CCND3: variants seen among roughly 807,000 people sequenced by gnomAD.
CCND3 encodes the protein cyclin D3.
Under a neutral mutation model 28.7 loss-of-function variants are expected in CCND3, and 9 were observed. The ratio of observed to expected loss-of-function variants is 0.31; its 90% CI spans 0.19 to 0.55. The LOEUF (loss-of-function observed/expected upper bound fraction) is 0.55, where lower values mean the gene tolerates loss of function less well. Among genes scored for constraint, CCND3 ranks in the 20% least tolerant of loss-of-function variants. The pLI, the probability that CCND3 is intolerant of heterozygous loss-of-function variation, is 0.93. For synonymous variants in CCND3, 164 were observed against 163.9 expected, an observed-to-expected ratio of 1.00 and a Z score of 0.00; for missense variants, 315 against 385.8, an observed-to-expected ratio of 0.82 and a Z score of 1.54.
chr6:42,000,028 ATATT>A lies in CCND3; in HGVS notation c.-46+48469_-46+48472del, dbSNP rs555951986. Among the ~76,000 whole-genome samples the A allele has an allele frequency of 7.9e-4, 97 of 123,186 alleles. 3 individuals are homozygous for A. The South Asian group carries it at 0.019, about 24-fold the overall frequency. The allele number at this position is 123,186 out of a possible 152,430, so 80.8% of individuals were successfully genotyped here. Reference sequence around the variant, plus strand: ...TAAGCTTGATCAAAGTGATGTAGATATATTTATATAGGCCTGTGTATGTGTGTGT... The same window carrying A: ...TAAGCTTGATCAAAGTGATGTAGATATATATAGGCCTGTGTATGTGTGTGT... On this transcript the variant is annotated intron_variant, in intron 1 of 4. Transcript: ENST00000372988.
At chr6:41,959,564 A>G (rs563787743) in intron 1 of CCND3, among the ~76,000 whole-genome samples, 13 of 150,988 alleles carry the variant, frequency 8.6e-5, no homozygotes, top group East Asian at 3.9e-4. Flanking sequence ...TGTGCCTGTA[A>G]TCCCAGCTAC....
At chr6:42,016,079 C>T (rs565820204) in intron 1 of CCND3, among the ~76,000 whole-genome samples, 1 of 151,860 alleles carries the variant, frequency 6.6e-6, no homozygotes, top group Non-Finnish European at 1.5e-5. Context: ...GGGATTACAG[C>T]TGTGTGCCAC....
intron 1 of CCND3, among the ~76,000 whole-genome samples, chr6:42,011,854 A>G (rs964545679): frequency 6.6e-6 from 1 of 152,190 alleles, no homozygotes; most frequent in African/African-American, 2.4e-5. Flanking sequence ...AGAAACCTGC[A>G]AAGACTCAGA....
At chr6:41,988,040 G>T (rs72853846) in intron 1 of CCND3, among the ~76,000 whole-genome samples, 2,616 of 151,958 alleles carry the variant, frequency 0.017, 50 homozygotes, top group Non-Finnish European at 0.027. Flanking sequence ...AACAGACCAG[G>T]CACGGTGGCT....
At chr6:41,951,592 T>C (rs1397809116) in intron 1 of CCND3, among the ~76,000 whole-genome samples, 1 of 116,410 alleles carries the variant, frequency 8.6e-6, no homozygotes, top group Non-Finnish European at 1.8e-5. Flanking sequence ...AAAGATTAAG[T>C]GGGAGTAAGA....
At chr6:42,020,957 G>A (rs1412977575) in intron 1 of CCND3, among the ~76,000 whole-genome samples, 1 of 152,130 alleles carries the variant, frequency 6.6e-6, no homozygotes, top group African/African-American at 2.4e-5. Context: ...TCTCCATGTT[G>A]GCCAGGCTGG....
intron 1 of CCND3, among the ~76,000 whole-genome samples, chr6:41,986,707 A>T (rs571679759): frequency 8.5e-5 from 13 of 152,098 alleles, no homozygotes; most frequent in African/African-American, 2.9e-4. Flanking sequence ...CGATCATGTC[A>T]TCTGCAGAGA....
At chr6:41,998,287 CA>C (rs70987560) in intron 1 of CCND3, among the ~76,000 whole-genome samples, 113,188 of 118,360 alleles carry the variant, frequency 0.96, 54,178 homozygotes, top group South Asian at 0.99. Flanking sequence ...GACTCCACCT[CA>C]AAAAAAAAAA....
chr6:41,972,042 G>C (rs1186986953), intron 1 of CCND3, among the ~76,000 whole-genome samples: 1 of 149,542 alleles, frequency 6.7e-6, no homozygotes, highest in Middle Eastern at 3.2e-3. Flanking sequence ...TGGCTAACAT[G>C]GTGAAACCCC....
chr6:42,000,450 G>C (rs1762968569), intron 1 of CCND3, among the ~76,000 whole-genome samples: 2 of 150,188 alleles, frequency 1.3e-5, no homozygotes, highest in African/African-American at 4.9e-5. Context: ...TCGTGGTCTC[G>C]ATCTCCTGAC....
At chr6:42,038,728 T>C (rs916845687) in intron 1 of CCND3, among the ~76,000 whole-genome samples, 17 of 152,176 alleles carry the variant, frequency 1.1e-4, no homozygotes. Flanking sequence ...TTCTATAATA[T>C]GGCCTTCAGT....
chr6:41,995,945 A>AT (rs887618007), intron 1 of CCND3, among the ~76,000 whole-genome samples: 1 of 151,466 alleles, frequency 6.6e-6, no homozygotes, highest in Middle Eastern at 3.4e-3. Flanking sequence ...TGTTAATAAA[A>AT]TTTTTTTAAA....
chr6:42,003,162 C>CAAAAAAAAAAAAAAA (rs55721061), intron 1 of CCND3, among the ~76,000 whole-genome samples: 58 of 110,192 alleles, frequency 5.3e-4, no homozygotes, highest in African/African-American at 1.6e-3. Flanking sequence ...AACAGCGTGT[C>CAAAAAAAAAAAAAAA]AAAAAAAAAA....
rs538806926 is a variant in CCND3 at position 41,935,617 on chromosome 6, T to G, written c.*323A>C. On this transcript the variant is annotated 3_prime_UTR_variant, in exon 5 of 5. Transcript: ENST00000372991. ...TTGAAAACATGAGAGCCCCCAGGGG[T>G]GGGGGGGGGCGTTCAAAAGGAATGC... is the stretch of plus-strand genomic sequence containing the variant. 2.1e-4 allele frequency: 92 copies of G among 429,170 alleles called. No individual in the cohort carries two copies. The highest frequency in any genetic ancestry group is 2.8e-4 in the African/African-American group (14 of 49,524). 26.6% of individuals were successfully genotyped at this position (429,170 alleles called of 1,614,324 possible).
chr6:41,972,240 A>AAAAAAAAAAAAAAAGAAAAGAAAAG (rs1554162050), intron 1 of CCND3, among the ~76,000 whole-genome samples: 3 of 99,736 alleles, frequency 3.0e-5, no homozygotes, highest in Non-Finnish European at 5.9e-5. Context: ...AAAAAAAAAA[A>AAAAAAAAAAAAAAAGAAAAGAAAAG]AAAAGAAAAG....
chr6:42,047,792 G>A (rs1156982456), intron 1 of CCND3, among the ~76,000 whole-genome samples: 1 of 152,174 alleles, frequency 6.6e-6, no homozygotes, highest in Non-Finnish European at 1.5e-5. Context: ...AGACTTCTAT[G>A]CTTTTCATCC....
In CCND3 at chr6:42,036,306, T is replaced by TTTTATA. The variant is rs1554168336; in HGVS notation, c.-46+12194_-46+12195insTATAAA. ...CCATGCCTGGCCTAAAAATTATTAT[T>TTTTATA]TATATATATATATATATAAAATATA... On this transcript the variant is annotated intron_variant, in intron 1 of 4. Coordinates refer to the CCND3 transcript ENST00000372988. 2.9e-3 allele frequency among the ~76,000 whole-genome samples: 382 copies of TTTTATA among 130,670 alleles called. 21 individuals are homozygous for TTTTATA. The South Asian group carries it at 0.086, about 30-fold the overall frequency. The allele number at this position is 130,670 out of a possible 152,430, so 85.7% of individuals were successfully genotyped here. A position where few individuals can be genotyped will look rare whatever the true frequency, so the allele number is the denominator to read the frequency against.
intron 1 of CCND3, among the ~76,000 whole-genome samples, chr6:41,947,772 C>G (rs1264405964): frequency 6.6e-6 from 1 of 152,100 alleles, no homozygotes; most frequent in African/African-American, 2.4e-5. Context: ...CACTTCTACC[C>G]CCCGGTCCGA....
chr6:41,949,773 TGTC>T (rs1207895699), intron 1 of CCND3, among the ~76,000 whole-genome samples: 3 of 151,682 alleles, frequency 2.0e-5, no homozygotes, highest in Non-Finnish European at 2.9e-5. Flanking sequence ...AGCCTGAAAC[TGTC>T]AAGTCTCTCC....
Sources: allele counts gnomAD v4.1 joint callset (sites outside exome capture counted in the v4.1 genomes callset), GRCh38; gene constraint gnomAD v4.1.1; transcripts MANE v1.5; gene names NCBI Gene and HGNC (gene_info 2026-07-23, HGNC 2026-07-21).